The following SLC39A11 variants were observed in gnomAD, a reference collection of about 807,000 sequenced individuals.
SLC39A11 encodes the protein solute carrier family 39 member 11.
SLC39A11 carries 33 observed loss-of-function variants against 36.1 expected under a neutral mutation model. That is an observed-to-expected ratio of 0.91 (90% confidence interval 0.69 to 1.22). The LOEUF (loss-of-function observed/expected upper bound fraction) is 1.22, where lower values mean the gene tolerates loss of function less well. SLC39A11 is among the 50% of genes most tolerant of loss of function. SLC39A11 has a pLI of 0.00. For synonymous variants in SLC39A11, 166 were observed against 170.3 expected (o/e 0.97, Z 0.20); for missense variants, 432 against 430.3 (o/e 1.00, Z -0.03).
At chr17:73,049,451 G>A (rs986289096) in intron 3 of SLC39A11, among the ~76,000 whole-genome samples, 3 of 152,220 alleles carry the variant, frequency 2.0e-5, no homozygotes, top group African/African-American at 7.2e-5. Flanking sequence ...AGAGGTCAAG[G>A]CAGGGCACAG....
chr17:72,838,658 G>C (rs188263728), intron 6 of SLC39A11, among the ~76,000 whole-genome samples: 5 of 152,220 alleles, frequency 3.3e-5, no homozygotes, highest in African/African-American at 1.2e-4. Flanking sequence ...CTACCAGTGA[G>C]CGTGGGGATG....
intron 6 of SLC39A11, among the ~76,000 whole-genome samples, chr17:72,804,006 T>TG (rs907739638): frequency 1.7e-4 from 23 of 137,756 alleles, no homozygotes; most frequent in Admixed American, 1.0e-3. Context: ...CTTTTTTGGG[T>TG]GGGGGCGGGG....
intron 1 of SLC39A11, among the ~76,000 whole-genome samples, chr17:73,090,930 G>A (rs886281341): frequency 1.3e-5 from 2 of 152,130 alleles, no homozygotes; most frequent in Non-Finnish European, 2.9e-5. Flanking sequence ...AGTGCCCCTC[G>A]GAGAAGTTTC....
At chr17:72,850,503 T>C (rs2079258330) in intron 5 of SLC39A11, among the ~76,000 whole-genome samples, 1 of 151,808 alleles carries the variant, frequency 6.6e-6, no homozygotes, top group African/African-American at 2.4e-5. Flanking sequence ...CAGTGCCCAA[T>C]GCATAGGTAC....
intron 6 of SLC39A11, among the ~76,000 whole-genome samples, chr17:72,749,453 A>G (rs2714027): frequency 0.35 from 52,882 of 152,144 alleles, 13,152 homozygotes; most frequent in African/African-American, 0.7. Flanking sequence ...AACCTTGTAT[A>G]TTCACAACAA....
At chr17:72,670,925 C>T (rs2070995078) in intron 7 of SLC39A11, among the ~76,000 whole-genome samples, 1 of 152,200 alleles carries the variant, frequency 6.6e-6, no homozygotes, top group African/African-American at 2.4e-5. Context: ...GAGGCGCTCA[C>T]TGTTACTGGG....
chr17:72,956,198 C>T (rs551755405), intron 4 of SLC39A11, among the ~76,000 whole-genome samples: 4 of 152,236 alleles, frequency 2.6e-5, no homozygotes, highest in Non-Finnish European at 4.4e-5. Context: ...AAGTTAATTA[C>T]GAACTTCTAG....
Position 72,953,047 on chromosome 17 carries a change from T to C in SLC39A11, c.307-5172A>G, listed in dbSNP as rs1476875552. ...TCCATTGTTCCCTCTCCCGATCCTC[T>C]TTCCCTGTCCTTCTTCCCGCATCCC... On this transcript the variant is annotated intron_variant, in intron 4 of 9. Transcript: ENST00000255559. 2.6e-5 allele frequency among the ~76,000 whole-genome samples: 4 copies of C among 152,184 alleles called. No homozygotes were observed. In the South Asian group the frequency reaches 8.3e-4, roughly 32 times the overall value.
chr17:73,029,439 CCAA>C (rs1309757155), intron 4 of SLC39A11, among the ~76,000 whole-genome samples: 2 of 152,028 alleles, frequency 1.3e-5, no homozygotes, highest in Non-Finnish European at 2.9e-5. Flanking sequence ...AGAATACACT[CCAA>C]CAACAAGTTC....
At chr17:73,009,391 GAT>G (rs2090389501) in intron 4 of SLC39A11, among the ~76,000 whole-genome samples, 1 of 149,880 alleles carries the variant, frequency 6.7e-6, no homozygotes, top group South Asian at 2.1e-4. Flanking sequence ...AATGAAGTTT[GAT>G]ACATGCTACA....
At chr17:73,073,099 G>C (rs1461071616) in intron 3 of SLC39A11, among the ~76,000 whole-genome samples, 2 of 152,204 alleles carry the variant, frequency 1.3e-5, no homozygotes, top group Admixed American at 6.5e-5. Context: ...AGAATTTCTT[G>C]AACCCAGGAG....
At chr17:72,664,564 C>G (rs2070641618) in intron 7 of SLC39A11, among the ~76,000 whole-genome samples, 1 of 152,196 alleles carries the variant, frequency 6.6e-6, no homozygotes, top group Admixed American at 6.5e-5. Context: ...TGCAAGCCTC[C>G]ATCATGTCCT....
chr17:72,681,794 T>C (rs1372649041), intron 7 of SLC39A11, among the ~76,000 whole-genome samples: 1 of 152,214 alleles, frequency 6.6e-6, no homozygotes, highest in Non-Finnish European at 1.5e-5. Flanking sequence ...ACTTAATGAA[T>C]AGTAAATATA....
intron 5 of SLC39A11, among the ~76,000 whole-genome samples, chr17:72,888,107 G>A (rs546049674): frequency 5.3e-5 from 8 of 152,190 alleles, no homozygotes; most frequent in Non-Finnish European, 8.8e-5. Flanking sequence ...ATTCTTCCCA[G>A]AGTCGTATGA....
At chr17:72,750,856 AGCCT>A (rs2075128542) in intron 6 of SLC39A11, among the ~76,000 whole-genome samples, 1 of 152,124 alleles carries the variant, frequency 6.6e-6, no homozygotes, top group Non-Finnish European at 1.5e-5. Flanking sequence ...GTCAGACGGC[AGCCT>A]GTCAGCGCCC....
intron 5 of SLC39A11, among the ~76,000 whole-genome samples, chr17:72,866,002 G>T (rs1037614046): frequency 2.0e-5 from 3 of 152,208 alleles, no homozygotes; most frequent in African/African-American, 7.2e-5. Flanking sequence ...ACAATATCAA[G>T]AACAGTTTAA....
intron 5 of SLC39A11, among the ~76,000 whole-genome samples, chr17:72,934,113 A>C (rs1393708486): frequency 6.6e-6 from 1 of 152,090 alleles, no homozygotes; most frequent in Admixed American, 6.5e-5. Flanking sequence ...TAAATGTAAA[A>C]CGTAAAACTT....
intron 5 of SLC39A11, among the ~76,000 whole-genome samples, chr17:72,875,688 G>C (rs1250954396): frequency 6.6e-6 from 1 of 152,056 alleles, no homozygotes; most frequent in African/African-American, 2.4e-5. Context: ...GATCTAATTC[G>C]GAGTCATTGT....
chr17:72,797,093 T>G (rs2076921956), intron 6 of SLC39A11, among the ~76,000 whole-genome samples: 1 of 152,126 alleles, frequency 6.6e-6, no homozygotes, highest in African/African-American at 2.4e-5. Flanking sequence ...GAGGAGCGTG[T>G]ATCTCACACA....
Sources: gnomAD v4.1 joint callset for allele counts (sites outside exome capture counted in the v4.1 genomes callset) on GRCh38, gnomAD v4.1.1 for gene constraint, MANE v1.5 for transcripts, NCBI Gene and HGNC (gene_info 2026-07-23, HGNC 2026-07-21) for gene names.